The following EIF4G3 variants were observed in gnomAD, a reference collection of about 807,000 sequenced individuals.
EIF4G3 encodes eIF-4-gamma 3.
In EIF4G3, 34 loss-of-function variants were observed where a neutral mutation model predicts 186.4. The ratio of observed to expected loss-of-function variants is 0.18; its 90% CI spans 0.14 to 0.24. The LOEUF (loss-of-function observed/expected upper bound fraction) is 0.24, where lower values mean the gene tolerates loss of function less well. EIF4G3 is among the 10% of genes least tolerant of loss of function. The pLI is 1.00. For synonymous variants in EIF4G3, 673 were observed against 679.5 expected, an observed-to-expected ratio of 0.99 and a Z score of 0.15; for missense variants, 1,536 against 1,948.5, an observed-to-expected ratio of 0.79 and a Z score of 3.99.
At chr1:20,865,878 C>A (rs2077449723) in intron 20 of EIF4G3, among the ~76,000 whole-genome samples, 1 of 150,472 alleles carries the variant, frequency 6.6e-6, no homozygotes, top group Non-Finnish European at 1.5e-5. Context: ...GAAGCAAGAT[C>A]CTTACAAGGT....
chr1:20,879,185 G>T, intron 20 of EIF4G3, 138 bp downstream of exon 20: 1 of 597,706 alleles, frequency 1.7e-6, no homozygotes, highest in Non-Finnish European at 2.5e-6. Flanking sequence ...CTTTAATAAT[G>T]AGAATATTAT....
At chr1:20,933,382 C>T (rs2095404082) in intron 14 of EIF4G3, among the ~76,000 whole-genome samples, 1 of 152,108 alleles carries the variant, frequency 6.6e-6, no homozygotes, top group South Asian at 2.1e-4. Flanking sequence ...ACCGGCCAGG[C>T]GTGGTGGCTC....
At chr1:21,173,137 CAAAAAAA>C (rs1193601902) in intron 2 of EIF4G3, among the ~76,000 whole-genome samples, 7 of 29,164 alleles carry the variant, frequency 2.4e-4, no homozygotes, top group African/African-American at 5.7e-4. Flanking sequence ...GACTCAATCT[CAAAAAAA>C]AAAAAAAAAA....
At chr1:20,893,487 CTAAG>C (rs1558111916) in intron 18 of EIF4G3, 26 bp downstream of exon 18, 4 of 1,569,062 alleles carry the variant, frequency 2.5e-6, no homozygotes, top group Admixed American at 1.7e-5. Flanking sequence ...CAGTGTCTAA[CTAAG>C]TGAGTTGTAG....
chr1:21,043,156 A>G (rs1195690871), intron 4 of EIF4G3, among the ~76,000 whole-genome samples: 1 of 152,204 alleles, frequency 6.6e-6, no homozygotes, highest in African/African-American at 2.4e-5. Flanking sequence ...GGATGCATCC[A>G]AAAGAAACAG....
intron 2 of EIF4G3, among the ~76,000 whole-genome samples, chr1:21,151,241 T>TTTTTG: frequency 8.8e-6 from 1 of 113,360 alleles, no homozygotes; most frequent in Admixed American, 9.3e-5. Context: ...TCTTTCTTTT[T>TTTTTG]TTTTTTTTTT....
At chr1:21,173,804 T>C (rs1297107456) in intron 2 of EIF4G3, among the ~76,000 whole-genome samples, 5 of 152,236 alleles carry the variant, frequency 3.3e-5, no homozygotes, top group Admixed American at 6.5e-5. Flanking sequence ...ACTCCAGCTA[T>C]GCACTCCTGC....
intron 14 of EIF4G3, among the ~76,000 whole-genome samples, chr1:20,927,548 T>C (rs2094998965): frequency 6.6e-6 from 1 of 152,174 alleles, no homozygotes; most frequent in African/African-American, 2.4e-5. Flanking sequence ...AATGACAGTC[T>C]GTGAAATGGA....
chr1:21,134,655 T>C (rs995223578), intron 2 of EIF4G3, among the ~76,000 whole-genome samples: 2 of 151,950 alleles, frequency 1.3e-5, no homozygotes. Flanking sequence ...GACGACCGAG[T>C]GAGACTCCAT....
Position 20,996,618 on chromosome 1 carries a change from C to T in EIF4G3, c.177+983G>A, listed in dbSNP as rs373080288. The stretch of plus-strand genomic sequence containing the variant: ...GTAAATATGATAACACAGGCAAATA[C>T]TGGTAACATTTACTTTATCCAACCA... On this transcript the variant is annotated intron_variant, in intron 7 of 36. Transcript: ENST00000602326. Among the ~76,000 whole-genome samples, 43 of 152,304 alleles carry T rather than the reference C, an allele frequency of 2.8e-4. 3 individuals are homozygous for T. The highest frequency in any genetic ancestry group is 8.2e-4 in the African/African-American group (34 of 41,566).
intron 2 of EIF4G3, among the ~76,000 whole-genome samples, chr1:21,163,912 C>A (rs549740888): frequency 6.6e-6 from 1 of 152,260 alleles, no homozygotes; most frequent in East Asian, 1.9e-4. Flanking sequence ...GCTGGGATTA[C>A]AAGCACGTGC....
At chr1:21,017,657 AG>A (rs2089576818) in intron 4 of EIF4G3, among the ~76,000 whole-genome samples, 1 of 148,196 alleles carries the variant, frequency 6.7e-6, no homozygotes, top group African/African-American at 2.5e-5. Flanking sequence ...AAAAAAAAGA[AG>A]TTTAGTGTCC....
At chr1:20,817,240 T>TA (rs1260636833) in intron 34 of EIF4G3, 152 bp downstream of exon 34, 9 of 195,258 alleles carry the variant, frequency 4.6e-5, no homozygotes, top group African/African-American at 1.7e-4. Context: ...AATGATCAAT[T>TA]AAAAAAAAAA....
intron 29 of EIF4G3, chr1:20,848,073 C>CCT: frequency 3.1e-6 from 1 of 322,148 alleles, no homozygotes; most frequent in Non-Finnish European, 6.0e-6. Context: ...TTCAAGTGAT[C>CCT]CTCCCATCTC....
At chr1:21,009,346 A>ACT (rs2086272257) in intron 4 of EIF4G3, among the ~76,000 whole-genome samples, 1 of 151,892 alleles carries the variant, frequency 6.6e-6, no homozygotes, top group African/African-American at 2.4e-5. Flanking sequence ...TGCCTGACTA[A>ACT]TTTTTGAATT....
intron 3 of EIF4G3, among the ~76,000 whole-genome samples, chr1:21,076,689 GA>G (rs964854992): frequency 1.3e-5 from 2 of 152,028 alleles, no homozygotes; most frequent in African/African-American, 4.8e-5. Flanking sequence ...ATACACAGGA[GA>G]AAGGACAGTC....
In EIF4G3 at chr1:20,864,610, G is replaced by A; in HGVS notation, c.2872C>T (p.Leu958Phe). 5.6e-6 allele frequency: 9 copies of A among 1,614,192 alleles called. No homozygotes were observed. Among genetic ancestry groups the A allele is most frequent in the Non-Finnish European group, 7.6e-6 (9 of 1,180,044 alleles). Residue 958 changes from leucine to phenylalanine, a missense_variant, in exon 22 of 37, where the codon CTC becomes TTC. Leu to Phe is a conservative substitution (Grantham distance 22). Transcript: ENST00000602326. ...NIKFIGELFKLKMLTEAIMHD... is the reference protein window; with the variant it reads ...NIKFIGELFKFKMLTEAIMHD... ...ATGATGGCTTCAGTCAGCATTTTGA[G>A]TTTAAAGAGTTCTCCAATAAACTTG...
intron 14 of EIF4G3, among the ~76,000 whole-genome samples, chr1:20,907,738 G>A (rs1408293558): frequency 6.6e-6 from 1 of 151,940 alleles, no homozygotes; most frequent in Non-Finnish European, 1.5e-5. Context: ...ATTTTTTATG[G>A]CTGCATAGTA....
intron 19 of EIF4G3, among the ~76,000 whole-genome samples, chr1:20,885,126 C>T (rs2083692519): frequency 6.6e-6 from 1 of 152,156 alleles, no homozygotes; most frequent in South Asian, 2.1e-4. Context: ...TGCTCTTTTG[C>T]CACCACTTAC....
Sources: allele counts gnomAD v4.1 joint callset (sites outside exome capture counted in the v4.1 genomes callset), GRCh38; gene constraint gnomAD v4.1.1; transcripts MANE v1.5; gene names NCBI Gene and HGNC (gene_info 2026-07-23, HGNC 2026-07-21).